FABP6: variants seen among roughly 807,000 people sequenced by gnomAD.
The protein encoded by FABP6 is gastrotropin.
In FABP6, 13 loss-of-function variants were observed where a neutral mutation model predicts 14.9. The ratio of observed to expected loss-of-function variants is 0.87; its 90% CI spans 0.57 to 1.39. The LOEUF is 1.39. Ranked by LOEUF, FABP6 falls within the 40% of genes most tolerant of loss-of-function variation. FABP6 has a pLI of 0.00. For missense variants in FABP6, 161 were observed against 167.2 expected (o/e 0.96, Z 0.20); for synonymous variants, 75 against 63.6 (o/e 1.18, Z -0.85).
At chr5:160,223,584 G>T (rs904386855) in intron 3 of FABP6, among the ~76,000 whole-genome samples, 2 of 151,472 alleles carry the variant, frequency 1.3e-5, no homozygotes, top group Non-Finnish European at 2.9e-5. Flanking sequence ...ACCACACTTG[G>T]CTAATTTAAA....
chr5:160,192,183 GTCC>G (rs1165559065), intron 1 of FABP6, among the ~76,000 whole-genome samples: 1 of 151,666 alleles, frequency 6.6e-6, no homozygotes, highest in Non-Finnish European at 1.5e-5. Flanking sequence ...ATCCCCACTG[GTCC>G]TCTTTTTCTA....
chr5:160,224,887 C>T (rs1009857951), upstream of FABP6, among the ~76,000 whole-genome samples: 8 of 151,540 alleles, frequency 5.3e-5, no homozygotes, highest in Non-Finnish European at 8.8e-5. Flanking sequence ...AAGTGATTCT[C>T]GTGGCTCAGC....
intron 1 of FABP6, among the ~76,000 whole-genome samples, chr5:160,189,211 C>G (rs1356813435): frequency 6.6e-6 from 1 of 152,088 alleles, no homozygotes; most frequent in East Asian, 1.9e-4. Flanking sequence ...CATTTGGATT[C>G]TCACAGGTCA....
intron 3 of FABP6, among the ~76,000 whole-genome samples, chr5:160,237,460 C>T (rs1311762429): frequency 6.6e-6 from 1 of 152,014 alleles, no homozygotes; most frequent in Non-Finnish European, 1.5e-5. Context: ...ATTGCAAATC[C>T]CCCATCTCTA....
chr5:160,210,718 A>T (rs996930905), intron 2 of FABP6, among the ~76,000 whole-genome samples: 7 of 152,148 alleles, frequency 4.6e-5, no homozygotes, highest in African/African-American at 1.7e-4. Flanking sequence ...TCATAATTTA[A>T]CCGCTTGCTC....
intron 3 of FABP6, among the ~76,000 whole-genome samples, chr5:160,223,241 G>A (rs1760165868): frequency 1.3e-5 from 2 of 152,098 alleles, no homozygotes; most frequent in African/African-American, 4.8e-5. Context: ...ATTTTTATAT[G>A]TGTTCTGGTG....
chr5:160,188,083 AAG>A (rs1409728735), intron 1 of FABP6, among the ~76,000 whole-genome samples: 2 of 152,174 alleles, frequency 1.3e-5, no homozygotes, highest in Admixed American at 6.6e-5. Flanking sequence ...TCCAGGCTAC[AAG>A]AGAGGGAATC....
upstream of FABP6, among the ~76,000 whole-genome samples, chr5:160,224,823 G>A (rs2113127900): frequency 6.6e-6 from 1 of 150,508 alleles, no homozygotes; most frequent in African/African-American, 2.5e-5. Flanking sequence ...TGTCCCCCAG[G>A]CTGGCGTGCA....
upstream of FABP6, chr5:160,228,647 C>A: frequency 2.4e-6 from 1 of 421,422 alleles, no homozygotes; most frequent in Non-Finnish European, 4.8e-6. Flanking sequence ...CAGCCCAGTG[C>A]CTGGTGCACA....
chr5:160,222,873 A>G (rs1760159071), intron 3 of FABP6, among the ~76,000 whole-genome samples: 1 of 152,146 alleles, frequency 6.6e-6, no homozygotes, highest in African/African-American at 2.4e-5. Context: ...TAGACCCCTT[A>G]AGTTTGTAGT....
chr5:160,234,915 T>C lies in FABP6; in HGVS notation c.333+6T>C, dbSNP rs753152865. ...TGGGTGACAAGCTGGTGGAGGTGAGTGTCATGCTGATTCCTGGGATGATTA... is the reference window on the plus strand; with the variant it reads ...TGGGTGACAAGCTGGTGGAGGTGAGCGTCATGCTGATTCCTGGGATGATTA... On this transcript the variant is annotated splice_donor_region_variant and intron_variant, in intron 3 of 3. Transcript: ENST00000402432. The C allele has an allele frequency of 1.2e-6, 2 of 1,608,264 alleles. No individual in the cohort carries two copies. Among genetic ancestry groups the C allele is most frequent in the Non-Finnish European group, 1.7e-6 (2 of 1,176,978 alleles).
chr5:160,236,292 A>G (rs1169879089), intron 3 of FABP6, among the ~76,000 whole-genome samples: 1 of 152,142 alleles, frequency 6.6e-6, no homozygotes, highest in Non-Finnish European at 1.5e-5. Flanking sequence ...CTGGGATTAC[A>G]GGTGTGAGCC....
intron 3 of FABP6, among the ~76,000 whole-genome samples, chr5:160,223,371 C>CCTTCCTTCTT (rs1760172042): frequency 4.5e-5 from 1 of 22,158 alleles, no homozygotes; most frequent in Non-Finnish European, 8.4e-5. Flanking sequence ...CTTTCCCTCC[C>CCTTCCTTCTT]TCCCTCCCTC....
At chr5:160,190,222 G>A (rs527239909) in intron 1 of FABP6, among the ~76,000 whole-genome samples, 3 of 152,196 alleles carry the variant, frequency 2.0e-5, no homozygotes, top group South Asian at 2.1e-4. Context: ...AACTGTCATC[G>A]TGTCGTAGCT....
At position 160,229,640 on chromosome 5, in the gene FABP6, G is replaced by C; in HGVS notation, c.67+16G>C. 1.2e-6 allele frequency: 2 copies of C among 1,612,954 alleles called. No homozygotes were observed. Among genetic ancestry groups the C allele is most frequent in the East Asian group, 2.2e-5 (1 of 44,856 alleles). On this transcript the variant is annotated intron_variant, in intron 1 of 3. Transcript: ENST00000402432. ...AAGCTCCTTGGTGAGTGAGCTCCTG[G>C]GTATCCCTTCCTCGGGGTTGGTTTG...
intron 3 of FABP6, among the ~76,000 whole-genome samples, chr5:160,214,128 T>A (rs147861984): frequency 6.3e-5 from 9 of 142,860 alleles, no homozygotes; most frequent in African/African-American, 8.1e-5. Flanking sequence ...TCTTTCTTTC[T>A]TTCTTTCTTT....
chr5:160,228,281 C>T (rs1408690010), upstream of FABP6, among the ~76,000 whole-genome samples: 1 of 152,062 alleles, frequency 6.6e-6, no homozygotes, highest in Non-Finnish European at 1.5e-5. Flanking sequence ...ATCCCAGCTA[C>T]TCTGGAGGCT....
chr5:160,195,616 A>G (rs1003254349), intron 1 of FABP6: 1 of 152,074 alleles, frequency 6.6e-6, no homozygotes, highest in Non-Finnish European at 1.5e-5. Flanking sequence ...CACCTTACCC[A>G]GATAATTTTT....
chr5:160,223,665 G>A (rs573487428), intron 3 of FABP6, among the ~76,000 whole-genome samples: 39 of 151,520 alleles, frequency 2.6e-4, no homozygotes, highest in African/African-American at 8.7e-4. Context: ...GGGCCCAAGC[G>A]ATCTTTCCGC....
Sources: gnomAD v4.1 joint callset for allele counts (sites outside exome capture counted in the v4.1 genomes callset) on GRCh38, gnomAD v4.1.1 for gene constraint, MANE v1.5 for transcripts, NCBI Gene and HGNC (gene_info 2026-07-23, HGNC 2026-07-21) for gene names.